Variants in WASHC5 observed in about 807,000 individuals in gnomAD.
WASHC5 encodes WASH complex subunit 5.
In WASHC5, 101 loss-of-function variants were observed where a neutral mutation model predicts 150.4. That is an observed-to-expected ratio of 0.67 (90% CI 0.57 to 0.79). The LOEUF (loss-of-function observed/expected upper bound fraction) is 0.79, where lower values mean the gene tolerates loss of function less well. Ranked by LOEUF, WASHC5 falls within the 30% of genes least tolerant of loss-of-function variation. The probability of loss-of-function intolerance (pLI) is 0.00; values close to 1 mark genes in which losing one functional copy is unlikely to be tolerated. For synonymous variants in WASHC5, 467 were observed against 491.2 expected (o/e 0.95, Z 0.65); for missense variants, 1,195 against 1,396.3 (o/e 0.86, Z 2.30).
At chr8:125,090,469 T>C (rs753075296) in intron 1 of WASHC5, among the ~76,000 whole-genome samples, 4 of 152,220 alleles carry the variant, frequency 2.6e-5, no homozygotes, top group Admixed American at 2.6e-4. Flanking sequence ...TCAAGAACAC[T>C]TGAAGATCAG....
intron 19 of WASHC5, among the ~76,000 whole-genome samples, chr8:125,048,290 C>T (rs1816134181): frequency 6.6e-6 from 1 of 152,192 alleles, no homozygotes; most frequent in African/African-American, 2.4e-5. Context: ...TGAAAACTTG[C>T]AGAGTGGCTC....
rs966162353 is a variant in WASHC5 at position 125,067,640 on chromosome 8, G to A, written c.1230C>T (p.Leu410=). ...LTDSRYNPRI[L]FQLLLDTAQF... Reference sequence around the variant, plus strand: ...GTGCAGTATCTAACAGCAGCTGGAAGAGGATCCTGGGATTGTACCGAGAGT... The same window carrying A: ...GTGCAGTATCTAACAGCAGCTGGAAAAGGATCCTGGGATTGTACCGAGAGT... Residue 410 remains leucine, a synonymous_variant, in exon 10 of 29, where the codon CTC becomes CTT. Coordinates refer to ENST00000318410, the MANE Select transcript of WASHC5 (RefSeq NM_014846.4). The A allele has an allele frequency of 6.2e-7, 1 of 1,613,420 alleles. No individual in the cohort carries two copies. The highest frequency in any genetic ancestry group is 1.1e-5 in the South Asian group (1 of 91,072).
chr8:125,055,084 C>T (rs10105624), intron 17 of WASHC5, among the ~76,000 whole-genome samples: 16,588 of 151,990 alleles, frequency 0.11, 2,118 homozygotes, highest in African/African-American at 0.31. Flanking sequence ...CCTTCAAGTA[C>T]TAAGAGAAAT....
At chr8:125,064,343 T>C (rs1040775441) in intron 10 of WASHC5, among the ~76,000 whole-genome samples, 4 of 151,768 alleles carry the variant, frequency 2.6e-5, no homozygotes, top group Non-Finnish European at 5.9e-5. Flanking sequence ...GCTAGGGCTA[T>C]GGGCATGCGC....
intron 10 of WASHC5, among the ~76,000 whole-genome samples, 200 bp from the exon 11 acceptor site, chr8:125,063,851 T>C (rs1259725777): frequency 6.6e-6 from 1 of 152,142 alleles, no homozygotes; most frequent in Non-Finnish European, 1.5e-5. Flanking sequence ...TCCAAAACAG[T>C]AGTTCTCACA....
At chr8:125,083,509 TA>T (rs771473570) in intron 2 of WASHC5, among the ~76,000 whole-genome samples, 1 of 152,202 alleles carries the variant, frequency 6.6e-6, no homozygotes, top group Non-Finnish European at 1.5e-5. Flanking sequence ...AGTTATCTTT[TA>T]AAAATACAAT....
Position 125,059,270 on chromosome 8 carries a change from T to C in WASHC5, c.1716A>G (p.Ile572Met). The C allele has an allele frequency of 6.2e-7, 1 of 1,614,094 alleles. No individual in the cohort carries two copies. Among genetic ancestry groups the C allele is most frequent in the Non-Finnish European group, 8.5e-7 (1 of 1,179,938 alleles). Residue 572 changes from isoleucine (I) to methionine (M), a missense_variant, in exon 14 of 29, where the codon ATA (isoleucine) becomes ATG (methionine). Around this residue, in one of 3 missense-constraint regions of WASHC5, gnomAD observed 997 missense variants for 1,168.1 expected, o/e 0.85. Transcript: ENST00000318410. ...DSFTSIMQES[I>M]RVNPSMVTKL... ...TAGTAACCATGGATGGATTTACCCT[T>C]ATGCTTTCTTGCATGATGGATGTGA...
In WASHC5 at chr8:125,063,600, T is replaced by C. The variant is rs369756799; in HGVS notation, c.1330A>G (p.Lys444Glu). ...EKQTKWEHYK[K>E]EGSERMTELA... ...TCAGTCATCCGCTCCGAACCCTCTT[T>C]CTTGTAATGCTCCCATTTGGTTTGC... Residue 444 changes from lysine (K) to glutamate (E), a missense_variant, in exon 11 of 29, where the codon AAA (lysine) becomes GAA (glutamate). Physicochemically the swap from Lys to Glu is moderately conservative, Grantham distance 56. This residue lies in a region of WASHC5 where 997 missense variants were observed against 1,168.1 expected (regional missense o/e 0.85). Coordinates refer to ENST00000318410, the MANE Select transcript of WASHC5 (RefSeq NM_014846.4). 9.9e-6 allele frequency: 16 copies of C among 1,613,862 alleles called. No individual in the cohort carries two copies. The highest frequency in any genetic ancestry group is 1.4e-5 in the Non-Finnish European group (16 of 1,179,880).
intron 1 of WASHC5, among the ~76,000 whole-genome samples, chr8:125,088,240 G>C (rs1817476330): frequency 6.9e-6 from 1 of 144,108 alleles, no homozygotes; most frequent in Non-Finnish European, 1.5e-5. Flanking sequence ...GGTTAGGAGA[G>C]CCGGGATCAC....
chr8:125,073,283 T>C lies in WASHC5; in HGVS notation c.1020A>G (p.Gln340=), dbSNP rs1409987607. Residue 340 remains glutamine, a synonymous_variant, in exon 9 of 29, where the codon CAA becomes CAG. Transcript: ENST00000318410. The part of the protein sequence containing the change: ...YATVSERVHA[Q]VQQFLKEGYL... The stretch of plus-strand genomic sequence containing the variant: ...AACCTTCTTTTAGAAATTGCTGCAC[T>C]TGAGCATGCACTCTTTCACTGACAG... 1.2e-6 allele frequency: 2 copies of C among 1,614,062 alleles called. No homozygotes were observed. The highest frequency in any genetic ancestry group is 8.5e-7 in the Non-Finnish European group (1 of 1,179,936).
chr8:125,046,046 CA>C (rs1246658202), intron 20 of WASHC5, among the ~76,000 whole-genome samples: 6 of 152,316 alleles, frequency 3.9e-5, no homozygotes, highest in African/African-American at 1.4e-4. Context: ...TCAACTTTCA[CA>C]AGTTTCGAAG....
chr8:125,037,377 G>A, intron 25 of WASHC5, 44 bp from the exon 26 acceptor site: 4 of 1,099,664 alleles, frequency 3.6e-6, no homozygotes, highest in Non-Finnish European at 5.6e-6. Context: ...AAATCACATT[G>A]CACAATACCA....
At chr8:125,079,017 T>TTTA in intron 5 of WASHC5, 87 bp from the exon 6 acceptor site, 1 of 1,099,740 alleles carries the variant, frequency 9.1e-7, no homozygotes, top group Non-Finnish European at 1.4e-6. Flanking sequence ...TCCATTCTAC[T>TTTA]TTGACTCAAT....
chr8:125,046,251 C>T lies in WASHC5; in HGVS notation c.2504+956G>A, dbSNP rs1816064611. Among the ~76,000 whole-genome samples the T allele has an allele frequency of 2.6e-5, 4 of 152,128 alleles. No individual in the cohort carries two copies. In the South Asian group the frequency reaches 6.2e-4, roughly 24 times the overall value. On this transcript the variant is annotated intron_variant, in intron 20 of 28. Coordinates refer to ENST00000318410, the MANE Select transcript of WASHC5 (RefSeq NM_014846.4). ...GTGGACATGAGAACCTGCTCTTCCC[C>T]AAGCTGATCTTAGTACCAACAGCTT... is the stretch of plus-strand genomic sequence containing the variant.
At chr8:125,088,107 T>C (rs921573673) in intron 1 of WASHC5, among the ~76,000 whole-genome samples, 4 of 152,032 alleles carry the variant, frequency 2.6e-5, no homozygotes, top group Admixed American at 2.6e-4. Flanking sequence ...TCTATGTAGG[T>C]TCCTTCCCTT....
chr8:125,062,504 T>A (rs1444307830), intron 11 of WASHC5, among the ~76,000 whole-genome samples: 1 of 152,204 alleles, frequency 6.6e-6, no homozygotes, highest in Non-Finnish European at 1.5e-5. Context: ...GGTCACAATA[T>A]GATAACCATA....
chr8:125,059,576 C>T (rs760025546), intron 12 of WASHC5, 34 bp from the exon 13 acceptor site: 2 of 1,526,676 alleles, frequency 1.3e-6, no homozygotes, highest in East Asian at 4.5e-5. Context: ...TTTAAAAATC[C>T]TGAATGGACT....
In WASHC5 at chr8:125,058,135, G is replaced by A. The variant is rs576970997; in HGVS notation, c.1765-469C>T. On this transcript the variant is annotated intron_variant, in intron 14 of 28. Coordinates refer to ENST00000318410, the MANE Select transcript of WASHC5 (RefSeq NM_014846.4). The stretch of plus-strand genomic sequence containing the variant: ...TGTCCAATCTAATATGCCGTCAAGT[G>A]TAAGAAGTGCCATTATTTTATGTGC... Among the ~76,000 whole-genome samples the A allele has an allele frequency of 3.2e-3, 491 of 151,362 alleles. 3 individuals carry two copies. The highest frequency in any genetic ancestry group is 5.0e-3 in the Non-Finnish European group (341 of 67,892).
chr8:125,078,777 C>A lies in WASHC5; in HGVS notation c.672G>T (p.Met224Ile), dbSNP rs748469220. 2 of 1,613,790 alleles carry A rather than the reference C, an allele frequency of 1.2e-6. No homozygotes were observed. The highest frequency in any genetic ancestry group is 2.7e-5 in the African/African-American group (2 of 74,872). ...CATCAGATCTCAGTCGACCAATGAC[C>A]ATACTGATGAAGGATTCGTTGATAG... ...RVPINESFIS[M>I]VIGRLRSDDI... The change falls in exon 6 of 29, where the codon ATG becomes ATT. Residue 224 changes from methionine (M) to isoleucine (I), a missense_variant. Physicochemically the swap from Met to Ile is conservative, Grantham distance 10 (BLOSUM62 1). This residue lies in a region of WASHC5 where 997 missense variants were observed against 1,168.1 expected (regional missense o/e 0.85). Transcript: ENST00000318410.
Sources: allele counts gnomAD v4.1 joint callset (sites outside exome capture counted in the v4.1 genomes callset), GRCh38; gene constraint gnomAD v4.1.1; regional missense constraint gnomAD v4.1.1; transcripts MANE v1.5; gene names NCBI Gene and HGNC (gene_info 2026-07-23, HGNC 2026-07-21).